The following TRAP1 variants were observed in gnomAD, a reference collection of about 807,000 sequenced individuals.
TRAP1 encodes the protein heat shock protein 75 kDa, mitochondrial.
In TRAP1, 102 loss-of-function variants were observed where a neutral mutation model predicts 89.1. The observed-to-expected ratio is 1.15, with a 90% CI of 0.98 to 1.35. TRAP1 has a LOEUF of 1.35. TRAP1 is among the 40% of genes most tolerant of loss of function. The pLI, the probability that TRAP1 is intolerant of heterozygous loss-of-function variation, is 0.00. For synonymous variants in TRAP1, 508 were observed against 388.0 expected, an observed-to-expected ratio of 1.31 and a Z score of -3.64; for missense variants, 1,256 against 945.3, an observed-to-expected ratio of 1.33 and a Z score of -4.31.
At chr16:3,668,342 G>C (rs1232430446) in intron 11 of TRAP1, among the ~76,000 whole-genome samples, 2 of 152,178 alleles carry the variant, frequency 1.3e-5, no homozygotes, top group Non-Finnish European at 2.9e-5. Context: ...TTACAGGCGT[G>C]AGCCACCGCG....
intron 1 of TRAP1, among the ~76,000 whole-genome samples, 164 bp downstream of exon 1, chr16:3,717,257 G>A (rs527751211): frequency 6.6e-6 from 1 of 152,342 alleles, no homozygotes; most frequent in South Asian, 2.1e-4. Context: ...GCTGGAGCTG[G>A]CGAGGAGCGG....
At chr16:3,667,799 C>T (rs2151247242) in intron 11 of TRAP1, among the ~76,000 whole-genome samples, 1 of 150,882 alleles carries the variant, frequency 6.6e-6, no homozygotes, top group East Asian at 2.0e-4. Flanking sequence ...GCTCTTGTCC[C>T]CCAGGCTGGA....
chr16:3,681,803 A>G (rs1286383614), intron 4 of TRAP1, among the ~76,000 whole-genome samples: 3 of 152,210 alleles, frequency 2.0e-5, no homozygotes, highest in Admixed American at 6.5e-5. Flanking sequence ...TCCCAAACTG[A>G]TCTGCACTGC....
chr16:3,714,865 A>G (rs902728728), intron 1 of TRAP1, among the ~76,000 whole-genome samples: 6 of 152,156 alleles, frequency 3.9e-5, no homozygotes, highest in African/African-American at 1.4e-4. Flanking sequence ...AAAAGAAAAA[A>G]ATTTCAAGAG....
At chr16:3,688,949 T>C in intron 3 of TRAP1, 106 bp downstream of exon 3, 3 of 1,052,994 alleles carry the variant, frequency 2.8e-6, no homozygotes, top group South Asian at 1.7e-5. Context: ...AGTTTAATGC[T>C]TTCTCACAGC....
chr16:3,666,214 AAAG>A (rs2050826639), intron 11 of TRAP1, 96 bp from the exon 12 acceptor site: 2 of 1,425,054 alleles, frequency 1.4e-6, no homozygotes, highest in Non-Finnish European at 1.9e-6. Context: ...GCTAAGAATC[AAAG>A]AAGTGAAAAC....
At chr16:3,664,578 C>G in intron 12 of TRAP1, 119 bp from the exon 13 acceptor site, 1 of 1,128,254 alleles carries the variant, frequency 8.9e-7, no homozygotes, top group Non-Finnish European at 1.2e-6. Context: ...CTGGCCCTGA[C>G]CCGAGGGACG....
intron 3 of TRAP1, 119 bp from the exon 4 acceptor site, chr16:3,686,255 G>A (rs988475010): frequency 1.6e-6 from 2 of 1,224,508 alleles, no homozygotes; most frequent in Non-Finnish European, 2.3e-6. Context: ...AATTCTCAAA[G>A]CATAAAGAGT....
Position 3,674,346 on chromosome 16 carries a change from G to T in TRAP1, c.1037C>A (p.Pro346His). The change falls in exon 9 of 18, where the codon CCC (proline) becomes CAC (histidine). Residue 346 changes from proline (P) to histidine (H), a missense_variant. Physicochemically the swap from Pro to His is moderately conservative, Grantham distance 77. Transcript: ENST00000246957. ...PLNIRSIFYV[P>H]DMKPSMFDVS... Reference sequence around the variant, plus strand: ...ACTGCCACAGTGCCTCACCATGTCGGGCACGTAGAAGATGCTGCGGATGTT... The same window carrying T: ...ACTGCCACAGTGCCTCACCATGTCGTGCACGTAGAAGATGCTGCGGATGTT... The T allele has an allele frequency of 6.2e-7, 1 of 1,613,952 alleles. No individual in the cohort carries two copies. The highest frequency in any genetic ancestry group is 8.5e-7 in the Non-Finnish European group (1 of 1,180,000).
At chr16:3,666,556 G>A (rs1018613652) in intron 11 of TRAP1, among the ~76,000 whole-genome samples, 2 of 116,014 alleles carry the variant, frequency 1.7e-5, no homozygotes, top group Admixed American at 1.5e-4. Context: ...ATGCTAAATG[G>A]CCATAAAAAA....
chr16:3,710,877 A>ATTTTTTTT (rs1461150566), intron 1 of TRAP1, among the ~76,000 whole-genome samples: 117 of 93,574 alleles, frequency 1.3e-3, no homozygotes, highest in African/African-American at 5.0e-3. Context: ...ATATATATAT[A>ATTTTTTTT]TATTTTTTTT....
In TRAP1 at chr16:3,662,129, T is replaced by C; in HGVS notation, c.1798A>G (p.Thr600Ala). 1 of 1,610,722 alleles carries C rather than the reference T, an allele frequency of 6.2e-7. No individual in the cohort carries two copies. The highest frequency in any genetic ancestry group is 8.5e-7 in the Non-Finnish European group (1 of 1,178,618). ...GCAGGGTGGGTGTCCAGTCGGAGGG[T>C]CACCTGTGAGCAAAGCCCGGGGTTG... ...LGSRVTNVKV[T>A]LRLDTHPAMV... Residue 600 changes from threonine (T) to alanine (A), a missense_variant, in exon 16 of 18, where the codon ACC (threonine) becomes GCC (alanine). Physicochemically the swap from Thr to Ala is moderately conservative, Grantham distance 58. Transcript: ENST00000246957.
chr16:3,710,528 C>T (rs1282463705), intron 1 of TRAP1: 1 of 152,186 alleles, frequency 6.6e-6, no homozygotes, highest in Non-Finnish European at 1.5e-5. Context: ...GAGGTTCAGT[C>T]ATGGGCCATC....
intron 1 of TRAP1, among the ~76,000 whole-genome samples, chr16:3,704,710 A>C (rs1360046596): frequency 1.3e-5 from 2 of 152,094 alleles, no homozygotes; most frequent in African/African-American, 4.8e-5. Context: ...AACACACACA[A>C]AAAAAGGTTA....
chr16:3,705,201 A>G (rs571068406), intron 1 of TRAP1, among the ~76,000 whole-genome samples: 1 of 151,884 alleles, frequency 6.6e-6, no homozygotes, highest in East Asian at 1.9e-4. Context: ...AGTAGCTGGG[A>G]CTACAGGCGC....
At chr16:3,664,529 G>A (rs1024143261) in intron 12 of TRAP1, 70 bp from the exon 13 acceptor site, 33 of 1,490,488 alleles carry the variant, frequency 2.2e-5, no homozygotes, top group Middle Eastern at 1.7e-4. Context: ...CTAACTGGGC[G>A]CAAACCCTCC....
chr16:3,668,169 G>A (rs929295887), intron 11 of TRAP1, among the ~76,000 whole-genome samples: 8 of 151,918 alleles, frequency 5.3e-5, no homozygotes, highest in African/African-American at 1.9e-4. Context: ...TGATCCACCC[G>A]CCTCGGCCTC....
chr16:3,717,510 T>TCGTACTCCCAGAGCGCCGCGC lies in TRAP1; in HGVS notation c.-3_-2insGCGCGGCGCTCTGGGAGTACG. The stretch of plus-strand genomic sequence containing the variant: ...CAGCGCCCGCAGCTCGCGCGCCATG[T>TCGTACTCCCAGAGCGCCGCGC]CGTACTCCCAGAGCGCCGCGCGCAG... On this transcript the variant is annotated 5_prime_UTR_variant, in exon 1 of 18. Transcript: ENST00000246957. The TCGTACTCCCAGAGCGCCGCGC allele has an allele frequency of 7.4e-7, 1 of 1,357,792 alleles. No homozygotes were observed. The highest frequency in any genetic ancestry group is 9.5e-7 in the Non-Finnish European group (1 of 1,056,206). The allele number at this position is 1,357,792 out of a possible 1,614,324, so 84.1% of individuals were successfully genotyped here.
At chr16:3,661,875 G>T in intron 16 of TRAP1, 112 bp downstream of exon 16, 2 of 1,352,870 alleles carry the variant, frequency 1.5e-6, no homozygotes, top group Non-Finnish European at 2.0e-6. Flanking sequence ...TTACCCACAT[G>T]TCCACAGGCC....
Sources: gnomAD v4.1 joint callset for allele counts (sites outside exome capture counted in the v4.1 genomes callset) on GRCh38, gnomAD v4.1.1 for gene constraint, MANE v1.5 for transcripts, NCBI Gene and HGNC (gene_info 2026-07-23, HGNC 2026-07-21) for gene names.